Variants in PRKCH observed in about 807,000 individuals in gnomAD.
PRKCH encodes the protein protein kinase C eta, also known as protein kinase C eta type.
In PRKCH, 28 loss-of-function variants were observed where a neutral mutation model predicts 82.5. The observed-to-expected ratio is 0.34, with a 90% CI of 0.25 to 0.47. PRKCH has a LOEUF of 0.47. Among genes scored for constraint, PRKCH ranks in the 20% least tolerant of loss-of-function variants. The probability of loss-of-function intolerance (pLI) is 1.00; values close to 1 mark genes in which losing one functional copy is unlikely to be tolerated. For synonymous variants in PRKCH, 322 were observed against 327.4 expected (o/e 0.98, Z 0.18); for missense variants, 705 against 881.8 (o/e 0.80, Z 2.54).
intron 9 of PRKCH, among the ~76,000 whole-genome samples, chr14:61,461,992 G>A (rs1033581832): frequency 1.3e-5 from 2 of 152,208 alleles, no homozygotes; most frequent in Non-Finnish European, 2.9e-5. Flanking sequence ...GAAACCAAAG[G>A]CATGGAACTG....
At chr14:61,319,515 TC>T (rs1292826132), upstream of PRKCH, among the ~76,000 whole-genome samples, 1 of 152,128 alleles carries the variant, frequency 6.6e-6, no homozygotes, top group East Asian at 1.9e-4. Context: ...CATATCCCAG[TC>T]CCAGGACAGC....
At chr14:61,514,766 A>G (rs2042798913) in intron 10 of PRKCH, among the ~76,000 whole-genome samples, 1 of 152,170 alleles carries the variant, frequency 6.6e-6, no homozygotes, top group Non-Finnish European at 1.5e-5. Context: ...CCCGAAATAT[A>G]AAGATATAGA....
intron 1 of PRKCH, among the ~76,000 whole-genome samples, chr14:61,323,501 GA>G (rs1354482511): frequency 6.6e-6 from 1 of 152,184 alleles, no homozygotes; most frequent in East Asian, 1.9e-4. Flanking sequence ...AGTCAGTTTT[GA>G]ACCCAATATC....
chr14:61,530,141 C>G (rs1274628913), intron 11 of PRKCH, among the ~76,000 whole-genome samples: 2 of 152,180 alleles, frequency 1.3e-5, no homozygotes, highest in Admixed American at 6.5e-5. Context: ...TTTCCAGAAC[C>G]CTTTCTGTTT....
intron 9 of PRKCH, among the ~76,000 whole-genome samples, chr14:61,483,480 C>T (rs1886072683): frequency 6.6e-6 from 1 of 152,222 alleles, no homozygotes; most frequent in African/African-American, 2.4e-5. Flanking sequence ...TGAATCTTGC[C>T]ATTCCTTCTT....
intron 5 of PRKCH, 64 bp from the exon 6 acceptor site, chr14:61,450,778 C>G: frequency 6.4e-7 from 1 of 1,565,494 alleles, no homozygotes; most frequent in Non-Finnish European, 8.7e-7. Flanking sequence ...GCTCCTATTA[C>G]AGTTTTTACA....
intron 1 of PRKCH, among the ~76,000 whole-genome samples, chr14:61,312,462 T>C (rs2045532538): frequency 6.6e-6 from 1 of 152,268 alleles, no homozygotes; most frequent in Admixed American, 6.5e-5. Flanking sequence ...AGTAAATAGC[T>C]ATGGCTACAT....
At chr14:61,429,065 G>A (rs1332367054) in intron 2 of PRKCH, among the ~76,000 whole-genome samples, 2 of 152,192 alleles carry the variant, frequency 1.3e-5, no homozygotes, top group East Asian at 3.8e-4. Flanking sequence ...ATTAAAGCAA[G>A]AGGGAATTAC....
Position 61,189,138 on chromosome 14 carries a change from T to TCCCAGCGC in PRKCH, c.-19+1482_-19+1489dup, listed in dbSNP as rs975044645. Among the ~76,000 whole-genome samples the TCCCAGCGC allele has an allele frequency of 2.6e-5, 4 of 152,176 alleles. No homozygotes were observed. In the East Asian group the frequency reaches 5.8e-4, roughly 22 times the overall value. ...AGGGTGCGGCGGTGACTCGCAGAGC[T>TCCCAGCGC]CCCAGCGCCCCAGCGCCCCCGCGAG... On this transcript the variant is annotated intron_variant, in intron 1 of 3. Transcript: ENST00000555185.
At chr14:61,465,782 T>C (rs796118581) in intron 9 of PRKCH, among the ~76,000 whole-genome samples, 5 of 152,338 alleles carry the variant, frequency 3.3e-5, no homozygotes, top group African/African-American at 1.2e-4. Context: ...ATATACTATT[T>C]GATGAGAATT....
intron 1 of PRKCH, among the ~76,000 whole-genome samples, chr14:61,339,384 C>T (rs1343554563): frequency 4.0e-5 from 6 of 150,672 alleles, no homozygotes; most frequent in Non-Finnish European, 7.4e-5. Flanking sequence ...AGCGCAGTGG[C>T]GCAATCTCAG....
rs71114196 is a variant in PRKCH, at chr14:61,207,106, CAAAAAAA to C, written c.-19+19460_-19+19466del. The stretch of plus-strand genomic sequence containing the variant: ...GGGCAACCAGAGTGAAACTCCATCT[CAAAAAAA>C]AAAAAAAAAAAAAAAAAAAAAGATG... On this transcript the variant is annotated intron_variant, in intron 1 of 3. Transcript: ENST00000555185. Among the ~76,000 whole-genome samples, 28 of 49,160 alleles carry C rather than the reference CAAAAAAA, an allele frequency of 5.7e-4. 2 individuals are homozygous for C. The highest frequency in any genetic ancestry group is 2.4e-3 in the South Asian group (2 of 840). The allele number at this position is 49,160 out of a possible 152,430, so 32.3% of individuals were successfully genotyped here.
intron 12 of PRKCH, among the ~76,000 whole-genome samples, chr14:61,536,999 G>A (rs1419989293): frequency 1.3e-5 from 2 of 152,208 alleles, no homozygotes; most frequent in South Asian, 2.1e-4. Context: ...ATCAGTGGGT[G>A]CGGGGGTAGC....
At chr14:61,529,556 C>A (rs2043017013) in intron 11 of PRKCH, among the ~76,000 whole-genome samples, 3 of 151,804 alleles carry the variant, frequency 2.0e-5, no homozygotes, top group Admixed American at 2.0e-4. Flanking sequence ...ACATATACAC[C>A]ATGGAATACT....
chr14:61,322,379 G>A lies in PRKCH; in HGVS notation c.278G>A (p.Gly93Asp). 3 of 1,613,070 alleles carry A rather than the reference G, an allele frequency of 1.9e-6. No individual in the cohort carries two copies. The highest frequency in any genetic ancestry group is 2.5e-6 in the Non-Finnish European group (3 of 1,179,690). ...ELAVFHETPL[G>D]YDHFVANCTL... ...GCCGTCTTCCACGAGACGCCCCTGG[G>A]CTACGACCACTTCGTGGCCAACTGC... is the stretch of plus-strand genomic sequence containing the variant. Residue 93 changes from glycine to aspartate, a missense_variant, in exon 1 of 14, where the codon GGC becomes GAC. By Grantham distance (94) the Gly-to-Asp change is moderately conservative (BLOSUM62 -1). Coordinates refer to ENST00000332981, the MANE Select transcript of PRKCH (RefSeq NM_006255.5).
intron 1 of PRKCH, among the ~76,000 whole-genome samples, chr14:61,370,929 A>T (rs1197234157): frequency 6.6e-6 from 1 of 152,040 alleles, no homozygotes; most frequent in African/African-American, 2.4e-5. Flanking sequence ...GGCCAGCTGG[A>T]GACAGTTGGG....
chr14:61,540,976 C>A (rs1566935777), intron 12 of PRKCH, among the ~76,000 whole-genome samples: 1 of 152,252 alleles, frequency 6.6e-6, no homozygotes, highest in Non-Finnish European at 1.5e-5. Flanking sequence ...CCCTACCAAG[C>A]CCCATCCCAC....
At chr14:61,202,521 T>G (rs1352801411) in intron 1 of PRKCH, among the ~76,000 whole-genome samples, 1 of 152,148 alleles carries the variant, frequency 6.6e-6, no homozygotes, top group Admixed American at 6.5e-5. Context: ...ACAGGCCACT[T>G]CAAAAGCAGT....
At chr14:61,356,696 T>G (rs2046155104) in intron 1 of PRKCH, among the ~76,000 whole-genome samples, 1 of 152,172 alleles carries the variant, frequency 6.6e-6, no homozygotes, top group Admixed American at 6.5e-5. Context: ...TTTGTTTTGT[T>G]TTTGAGATGG....
Sources: allele counts gnomAD v4.1 joint callset (sites outside exome capture counted in the v4.1 genomes callset), GRCh38; gene constraint gnomAD v4.1.1; transcripts MANE v1.5; gene names NCBI Gene and HGNC (gene_info 2026-07-23, HGNC 2026-07-21).